ME1: variants seen among roughly 807,000 people sequenced by gnomAD.
ME1 encodes the protein NADP-dependent malic enzyme.
A neutral mutation model predicts 66.4 loss-of-function variants in ME1; 74 were observed. That is an observed-to-expected ratio of 1.11 (90% CI 0.92 to 1.35). The LOEUF is 1.35. ME1 is among the 40% of genes most tolerant of loss of function. The pLI is 0.00. For synonymous variants in ME1, 251 were observed against 235.6 expected (o/e 1.07, Z -0.60); for missense variants, 750 against 694.1 (o/e 1.08, Z -0.90).
chr6:83,322,989 G>A (rs1352169639), intron 5 of ME1, among the ~76,000 whole-genome samples: 1 of 152,164 alleles, frequency 6.6e-6, no homozygotes, highest in African/African-American at 2.4e-5. Context: ...GAAGAGAGTG[G>A]GGGCCAACAT....
chr6:83,392,896 C>T lies in ME1; in HGVS notation c.362+5471G>A, dbSNP rs1245065268. The T allele has an allele frequency of 6.3e-6, 5 of 797,190 alleles. No homozygotes were observed. The African/African-American group carries it at 8.4e-5, about 13-fold the overall frequency. The allele number at this position is 797,190 out of a possible 1,614,324, so 49.4% of individuals were successfully genotyped here. On this transcript the variant is annotated intron_variant, in intron 3 of 13. Coordinates refer to ENST00000369705, the MANE Select transcript of ME1 (RefSeq NM_002395.6). ...ACCACCAGCTGCTTAACGCCCCTGG[C>T]CAAGGTCATCCATGACAACTTTGGT... is the stretch of plus-strand genomic sequence containing the variant.
intron 6 of ME1, among the ~76,000 whole-genome samples, chr6:83,261,006 T>C (rs2128529430): frequency 6.6e-6 from 1 of 152,348 alleles, no homozygotes; most frequent in Admixed American, 6.5e-5. Flanking sequence ...CAAATGGTAC[T>C]TCTGCTTTTA....
chr6:83,250,266 C>T (rs1459270863), intron 7 of ME1, among the ~76,000 whole-genome samples: 1 of 149,476 alleles, frequency 6.7e-6, no homozygotes, highest in Admixed American at 6.6e-5. Context: ...ACATTTATTT[C>T]AAAGAAATAA....
intron 3 of ME1, chr6:83,392,677 G>A: frequency 1.7e-6 from 1 of 599,866 alleles, no homozygotes; most frequent in Non-Finnish European, 3.2e-6. Flanking sequence ...AATCAAATGG[G>A]GCAATGCTGG....
At chr6:83,220,920 G>A (rs1349398915) in intron 12 of ME1, among the ~76,000 whole-genome samples, 1 of 152,134 alleles carries the variant, frequency 6.6e-6, no homozygotes, top group Non-Finnish European at 1.5e-5. Context: ...CAGCACTTTG[G>A]GAGGCCGAGT....
At chr6:83,255,596 T>G (rs1181556810) in intron 6 of ME1, among the ~76,000 whole-genome samples, 1 of 152,038 alleles carries the variant, frequency 6.6e-6, no homozygotes, top group East Asian at 1.9e-4. Context: ...GGCCATAGAT[T>G]AAAAAAACAA....
At position 83,262,055 on chromosome 6, in the gene ME1, G is replaced by A. The variant is rs2128529665; in HGVS notation, c.705-8317C>T. ...AGAAAAAAGAAAAAGCATGAAGTAT[G>A]TGGAGGCATACATGAAAAGAGACAA... On this transcript the variant is annotated intron_variant, in intron 6 of 13. Coordinates refer to ENST00000369705, the MANE Select transcript of ME1 (RefSeq NM_002395.6). 1.3e-5 allele frequency among the ~76,000 whole-genome samples: 2 copies of A among 151,396 alleles called. 1 individual carries two copies. The highest frequency in any genetic ancestry group is 6.8e-3 in the Middle Eastern group (2 of 292).
At chr6:83,370,479 G>T (rs1769174846) in intron 3 of ME1, among the ~76,000 whole-genome samples, 1 of 152,058 alleles carries the variant, frequency 6.6e-6, no homozygotes, top group South Asian at 2.1e-4. Context: ...TTGAAATGAG[G>T]ATTGAAAAAC....
chr6:83,373,320 G>A lies in ME1; in HGVS notation c.363-21181C>T, dbSNP rs1158431193. 2.6e-5 allele frequency among the ~76,000 whole-genome samples: 4 copies of A among 151,726 alleles called. No individual in the cohort carries two copies. In the South Asian group the frequency reaches 6.2e-4, roughly 24 times the overall value. On this transcript the variant is annotated intron_variant, in intron 3 of 13. Transcript: ENST00000369705. ...GTGCGATCTCAGCTCACTGCAACCC[G>A]TACCTCCCGGGTTTAAGCGATGCTC... is the stretch of plus-strand genomic sequence containing the variant.
intron 6 of ME1, among the ~76,000 whole-genome samples, chr6:83,261,595 A>C (rs1766889755): frequency 6.6e-6 from 1 of 152,090 alleles, no homozygotes; most frequent in Non-Finnish European, 1.5e-5. Flanking sequence ...ACATCCAGTG[A>C]GGAAGTGAGG....
chr6:83,227,337 TG>T lies in ME1; in HGVS notation c.1272del (p.Lys425ArgfsTer46), dbSNP rs1790215843. 2 of 1,528,294 alleles carry T rather than the reference TG, an allele frequency of 1.3e-6. No homozygotes were observed. The highest frequency in any genetic ancestry group is 1.4e-5 in the African/African-American group (1 of 72,588). 94.7% of individuals were successfully genotyped at this position (1,528,294 alleles called of 1,614,324 possible). A position where few individuals can be genotyped will look rare whatever the true frequency, so the allele number is the denominator to read the frequency against. ...ECSAEQCYKI[T>X]KGRAIFASGS... ...TATCTGTTATAGTTTTACTTTACCT[TG>T]GTTATTTTGTAGCACTGCTCTGCAG... On this transcript the variant is annotated frameshift_variant, in exon 11 of 14. Coordinates refer to ENST00000369705, the MANE Select transcript of ME1 (RefSeq NM_002395.6). LOFTEE classifies it high-confidence loss of function.
intron 5 of ME1, among the ~76,000 whole-genome samples, chr6:83,344,708 A>C (rs898782286): frequency 8.8e-4 from 133 of 151,786 alleles, no homozygotes; most frequent in African/African-American, 3.1e-3. Flanking sequence ...ACGGTGAAAC[A>C]CCCTCTTTAC....
chr6:83,359,943 A>C (rs764630127), intron 3 of ME1, among the ~76,000 whole-genome samples: 1 of 152,216 alleles, frequency 6.6e-6, no homozygotes, highest in Non-Finnish European at 1.5e-5. Context: ...AGGTGGGTGG[A>C]GCTACCGTAA....
rs148567330 is a variant in ME1 at position 83,404,171 on chromosome 6, T to G, written c.212+3597A>C. ...CTACAGCCTCACCAGCATCTGTTGT[T>G]TCCTGATTTTTTTAATGATCGCCAT... On this transcript the variant is annotated intron_variant, in intron 2 of 13. Coordinates refer to ENST00000369705, the MANE Select transcript of ME1 (RefSeq NM_002395.6). 5.3e-3 allele frequency among the ~76,000 whole-genome samples: 806 copies of G among 152,224 alleles called. 3 individuals carry two copies. The highest frequency in any genetic ancestry group is 0.02 in the Middle Eastern group (6 of 294).
intron 3 of ME1, among the ~76,000 whole-genome samples, chr6:83,366,633 G>A (rs561262035): frequency 2.6e-5 from 4 of 152,272 alleles, no homozygotes; most frequent in South Asian, 4.1e-4. Context: ...GGAGCTATAC[G>A]ATCAATACAA....
At position 83,295,646 on chromosome 6, in the gene ME1, T is replaced by C. The variant is rs111612517; in HGVS notation, c.704+19664A>G. On this transcript the variant is annotated intron_variant, in intron 6 of 13. Coordinates refer to ENST00000369705, the MANE Select transcript of ME1 (RefSeq NM_002395.6). ...AGCCTCAGCAAACCAACCCCAAAGC[T>C]AGCAGAAGACAAGAAATAACCAAAA... 4.2e-3 allele frequency among the ~76,000 whole-genome samples: 640 copies of C among 152,056 alleles called. 4 individuals carry two copies. Among genetic ancestry groups the C allele is most frequent in the African/African-American group, 0.014 (601 of 41,482 alleles).
intron 6 of ME1, among the ~76,000 whole-genome samples, chr6:83,267,440 C>G (rs1767006458): frequency 6.6e-6 from 1 of 152,028 alleles, no homozygotes; most frequent in African/African-American, 2.4e-5. Context: ...AAAGTCTGAC[C>G]CTGTCAGTAA....
chr6:83,301,393 A>G (rs1767718162), intron 6 of ME1, among the ~76,000 whole-genome samples: 1 of 150,778 alleles, frequency 6.6e-6, no homozygotes, highest in Admixed American at 6.6e-5. Context: ...CCCAGACTAG[A>G]GTGCAGTGGC....
intron 3 of ME1, among the ~76,000 whole-genome samples, chr6:83,357,548 G>A (rs540440106): frequency 7.2e-5 from 11 of 152,198 alleles, no homozygotes; most frequent in African/African-American, 2.4e-4. Flanking sequence ...TCAACTTGAT[G>A]GGACTGAAGG....
Sources: gnomAD v4.1 joint callset for allele counts (sites outside exome capture counted in the v4.1 genomes callset) on GRCh38, gnomAD v4.1.1 for gene constraint, MANE v1.5 for transcripts, NCBI Gene and HGNC (gene_info 2026-07-23, HGNC 2026-07-21) for gene names.